The following GLMN variants were observed in gnomAD, a reference collection of about 807,000 sequenced individuals.
GLMN encodes glomulin.
A neutral mutation model predicts 87.8 loss-of-function variants in GLMN; 75 were observed. The ratio of observed to expected loss-of-function variants is 0.85; its 90% confidence interval spans 0.71 to 1.04. GLMN has a LOEUF of 1.04. GLMN is among the 50% of genes least tolerant of loss of function. The pLI, the probability that GLMN is intolerant of heterozygous loss-of-function variation, is 0.00. For synonymous variants in GLMN, 206 were observed against 221.6 expected (o/e 0.93, Z 0.63); for missense variants, 588 against 658.8 (o/e 0.89, Z 1.18).
In GLMN at chr1:92,247,858, C is replaced by T. The variant is rs776075245; in HGVS notation, c.1585+20G>A. The T allele has an allele frequency of 6.6e-6, 6 of 902,788 alleles. No individual in the cohort carries two copies. In the East Asian group the frequency reaches 1.4e-4, roughly 22 times the overall value. The allele number at this position is 902,788 out of a possible 1,614,324, so 55.9% of individuals were successfully genotyped here. On this transcript the variant is annotated intron_variant, in intron 17 of 18. Coordinates refer to ENST00000370360, the MANE Select transcript of GLMN (RefSeq NM_053274.3). ...ACTACTTTTTAGACCTAATTGAAAA[C>T]AAAATTGCACATTACCAACCTTGGC...
chr1:92,351,305 CAAAAAAAAAAAAA>C, the GLMN span, among the ~76,000 whole-genome samples: 2 of 86,840 alleles, frequency 2.3e-5, no homozygotes, highest in Non-Finnish European at 4.4e-5. Context: ...GACTCTGTCT[CAAAAAAAAAAAAA>C]AAAAAAAAAA....
chr1:92,246,953 G>A (rs1652754441), intron 18 of GLMN, 109 bp downstream of exon 18: 1 of 761,402 alleles, frequency 1.3e-6, no homozygotes, highest in South Asian at 1.4e-5. Flanking sequence ...AGCCCAGGGA[G>A]TTGAAGCTGC....
chr1:92,360,795 C>T, the GLMN span, among the ~76,000 whole-genome samples: 1 of 152,014 alleles, frequency 6.6e-6, no homozygotes, highest in Non-Finnish European at 1.5e-5. Context: ...CCCAAAAACC[C>T]ATATTGTTAA....
chr1:92,246,743 A>G (rs1030172890), intron 18 of GLMN, 97 bp from the exon 19 acceptor site: 6 of 757,248 alleles, frequency 7.9e-6, no homozygotes, highest in Non-Finnish European at 1.2e-5. Flanking sequence ...GCTTAGGAAT[A>G]TTTAAGACCA....
At chr1:92,304,160 C>T in the GLMN span, 1 of 1,235,374 alleles carries the variant, frequency 8.1e-7, no homozygotes, top group Non-Finnish European at 1.2e-6. Context: ...GAAATAAAAC[C>T]TAAGGTCATG....
At chr1:92,288,601 A>AT (rs1418048930) in intron 6 of GLMN, among the ~76,000 whole-genome samples, 7 of 151,698 alleles carry the variant, frequency 4.6e-5, no homozygotes, top group South Asian at 2.1e-4. Context: ...TAATTTTTAA[A>AT]TTTTTTTATA....
chr1:92,280,184 C>T (rs564741803), intron 7 of GLMN, among the ~76,000 whole-genome samples: 1 of 152,220 alleles, frequency 6.6e-6, no homozygotes, highest in East Asian at 1.9e-4. Context: ...CCCCGCGTAG[C>T]GTGATTGGGA....
intron 16 of GLMN, among the ~76,000 whole-genome samples, chr1:92,259,768 T>A (rs1311983433): frequency 1.5e-5 from 2 of 137,504 alleles, no homozygotes; most frequent in Admixed American, 1.6e-4. Context: ...AGACTCTTGC[T>A]CTGTCACCCA....
intron 16 of GLMN, among the ~76,000 whole-genome samples, chr1:92,260,959 C>T (rs1218328547): frequency 1.3e-5 from 2 of 152,100 alleles, no homozygotes; most frequent in Non-Finnish European, 2.9e-5. Flanking sequence ...ACTCTGTGTT[C>T]CATATCTAAC....
intron 5 of GLMN, 152 bp from the exon 6 acceptor site, chr1:92,289,303 T>C: frequency 4.3e-6 from 3 of 698,766 alleles, no homozygotes; most frequent in Non-Finnish European, 7.8e-6. Flanking sequence ...CAGTGTTTTT[T>C]TCTTCTTAGT....
chr1:92,338,714 G>A, the GLMN span, among the ~76,000 whole-genome samples: 1 of 149,554 alleles, frequency 6.7e-6, no homozygotes, highest in African/African-American at 2.5e-5. Flanking sequence ...TCAGTGATGC[G>A]ATCATGGCTC....
chr1:92,266,715 G>T lies in GLMN; in HGVS notation c.1125C>A (p.Cys375Ter). 1 of 1,600,932 alleles carries T rather than the reference G, an allele frequency of 6.2e-7. No individual in the cohort carries two copies. The highest frequency in any genetic ancestry group is 8.6e-7 in the Non-Finnish European group (1 of 1,169,130). Residue 375 changes from cysteine to a stop codon, truncating the protein, a stop_gained, in exon 12 of 19, where the codon TGC (cysteine) becomes TGA (stop). Transcript: ENST00000370360. LOFTEE classifies it high-confidence loss of function. ...PQGLVKVMTL[C>*]PIETLRKKSL... ...ATTTACATACCAGTGTCTCAATGGGGCAAAGTGTCATTACTTTCACTAAGC... is the reference window on the plus strand; with the variant it reads ...ATTTACATACCAGTGTCTCAATGGGTCAAAGTGTCATTACTTTCACTAAGC...
rs1648784322 is a variant in GLMN, at chr1:92,286,601, TA to T, written c.633-10del. On this transcript the variant is annotated splice_polypyrimidine_tract_variant and intron_variant, in intron 6 of 18. Coordinates refer to ENST00000370360, the MANE Select transcript of GLMN (RefSeq NM_053274.3). Reference sequence around the variant, plus strand: ...TCAAGCTTTTGAAACAACTAAGGCATAAGAAATAGGTAACTATGAAATCAAC... The same window carrying T: ...TCAAGCTTTTGAAACAACTAAGGCATAGAAATAGGTAACTATGAAATCAAC... 1 of 1,349,872 alleles carries T rather than the reference TA, an allele frequency of 7.4e-7. No individual in the cohort carries two copies. Among genetic ancestry groups the T allele is most frequent in the Non-Finnish European group, 1.1e-6 (1 of 939,634 alleles). 83.6% of individuals were successfully genotyped at this position (1,349,872 alleles called of 1,614,324 possible). A position where few individuals can be genotyped will look rare whatever the true frequency, so the allele number is the denominator to read the frequency against.
At chr1:92,287,541 A>G (rs964601868) in intron 6 of GLMN, among the ~76,000 whole-genome samples, 21 of 151,620 alleles carry the variant, frequency 1.4e-4, no homozygotes, top group Non-Finnish European at 2.8e-4. Context: ...GGGTCTCACT[A>G]TGTTGCCTAG....
chr1:92,296,002 G>A (rs1650005012), intron 3 of GLMN, among the ~76,000 whole-genome samples: 1 of 152,044 alleles, frequency 6.6e-6, no homozygotes, highest in Non-Finnish European at 1.5e-5. Context: ...AGGTTACAAA[G>A]TTATCATAAA....
the GLMN span, among the ~76,000 whole-genome samples, chr1:92,322,001 A>G: frequency 1.4e-5 from 2 of 142,874 alleles, no homozygotes; most frequent in African/African-American, 5.3e-5. Flanking sequence ...GCTAGAATGC[A>G]GTGGCGCGAT....
chr1:92,298,456 T>A (rs1003520815), intron 1 of GLMN, among the ~76,000 whole-genome samples: 4 of 152,154 alleles, frequency 2.6e-5, no homozygotes, highest in African/African-American at 9.7e-5. Context: ...ATTCTAATCA[T>A]CAGGGGATTT....
At chr1:92,358,197 A>G in the GLMN span, among the ~76,000 whole-genome samples, 4 of 152,206 alleles carry the variant, frequency 2.6e-5, no homozygotes, top group Admixed American at 6.5e-5. Flanking sequence ...ATTGTGGCCT[A>G]CATACCCCTG....
At chr1:92,292,348 T>C (rs1415780495) in intron 3 of GLMN, among the ~76,000 whole-genome samples, 3 of 152,094 alleles carry the variant, frequency 2.0e-5, no homozygotes, top group Non-Finnish European at 2.9e-5. Flanking sequence ...GCCCAGGAGT[T>C]TGAGACCAGC....
Sources: allele counts gnomAD v4.1 joint callset (sites outside exome capture counted in the v4.1 genomes callset), GRCh38; gene constraint gnomAD v4.1.1; transcripts MANE v1.5; gene names NCBI Gene and HGNC (gene_info 2026-07-23, HGNC 2026-07-21).